CSMD1: variants seen among roughly 807,000 people sequenced by gnomAD.
CSMD1 encodes CUB and Sushi multiple domains 1.
CSMD1 carries 213 observed loss-of-function variants against 417.5 expected under a neutral mutation model. The ratio of observed to expected loss-of-function variants is 0.51; its 90% CI spans 0.46 to 0.57. The LOEUF is 0.57. CSMD1 is among the 20% of genes least tolerant of loss of function. The pLI is 0.00. For synonymous variants in CSMD1, 2,862 were observed against 1,736.8 expected, an observed-to-expected ratio of 1.65 and a Z score of -16.11; for missense variants, 6,923 against 4,529.7, an observed-to-expected ratio of 1.53 and a Z score of -15.17.
chr8:4,052,461 C>A (rs1400940168), intron 3 of CSMD1, among the ~76,000 whole-genome samples: 1 of 152,156 alleles, frequency 6.6e-6, no homozygotes, highest in African/African-American at 2.4e-5. Flanking sequence ...TTGCCCACTG[C>A]AAGATGGATA....
intron 5 of CSMD1, among the ~76,000 whole-genome samples, chr8:3,805,262 T>G (rs993018795): frequency 6.6e-6 from 1 of 152,114 alleles, no homozygotes; most frequent in Non-Finnish European, 1.5e-5. Flanking sequence ...CCATTTCTCC[T>G]AGGGCATCAG....
chr8:4,534,645 G>C (rs531904703), intron 2 of CSMD1, among the ~76,000 whole-genome samples: 3 of 152,068 alleles, frequency 2.0e-5, no homozygotes, highest in Admixed American at 2.0e-4. Flanking sequence ...ATGGCCATGT[G>C]TGCTCAGTGT....
intron 4 of CSMD1, among the ~76,000 whole-genome samples, chr8:4,008,740 A>G (rs1816327614): frequency 6.7e-6 from 1 of 150,012 alleles, no homozygotes; most frequent in Admixed American, 6.7e-5. Context: ...CCTCCTGAGT[A>G]GCTGGGAATA....
At chr8:3,327,129 A>C (rs1279111394) in intron 23 of CSMD1, among the ~76,000 whole-genome samples, 1 of 149,106 alleles carries the variant, frequency 6.7e-6, no homozygotes, top group Admixed American at 6.8e-5. Context: ...TTAACACTTG[A>C]CATCTTTACA....
intron 1 of CSMD1, among the ~76,000 whole-genome samples, chr8:4,652,898 G>A (rs890961064): frequency 7.3e-5 from 11 of 151,346 alleles, no homozygotes; most frequent in African/African-American, 7.4e-5. Flanking sequence ...ATCTAACGCC[G>A]CTGCTGATGT....
chr8:3,552,452 A>T lies in CSMD1; in HGVS notation c.1344+22493T>A, dbSNP rs146161538. Reference sequence around the variant, plus strand: ...TTTTTAAAAGGGATTGTTGTTAGGCAGTTATAAAGCTTCCTCTGACCTGTG... The same window carrying T: ...TTTTTAAAAGGGATTGTTGTTAGGCTGTTATAAAGCTTCCTCTGACCTGTG... On this transcript the variant is annotated intron_variant, in intron 10 of 69. Coordinates refer to ENST00000635120, the MANE Select transcript of CSMD1 (RefSeq NM_033225.6). Among the ~76,000 whole-genome samples, 90 of 152,344 alleles carry T rather than the reference A, an allele frequency of 5.9e-4. No individual in the cohort carries two copies. The East Asian group carries it at 0.015, about 25-fold the overall frequency.
At chr8:3,939,766 A>T (rs907284438) in intron 5 of CSMD1, among the ~76,000 whole-genome samples, 1 of 152,126 alleles carries the variant, frequency 6.6e-6, no homozygotes, top group Non-Finnish European at 1.5e-5. Context: ...GTCACTCAGA[A>T]ATGGAAAAAC....
intron 2 of CSMD1, among the ~76,000 whole-genome samples, chr8:4,443,262 CATCA>C (rs752476579): frequency 6.6e-5 from 10 of 152,238 alleles, no homozygotes; most frequent in South Asian, 4.2e-4. Context: ...AAATCATCAG[CATCA>C]ATCAATCTTC....
intron 3 of CSMD1, among the ~76,000 whole-genome samples, chr8:4,202,630 A>G (rs1000650502): frequency 3.9e-5 from 6 of 152,220 alleles, no homozygotes; most frequent in African/African-American, 1.4e-4. Context: ...TGGATATTGT[A>G]AATTTCCTCT....
intron 1 of CSMD1, among the ~76,000 whole-genome samples, chr8:4,986,498 AT>A (rs1811186240): frequency 6.6e-6 from 1 of 152,236 alleles, no homozygotes; most frequent in Non-Finnish European, 1.5e-5. Flanking sequence ...AAGGTTTTTC[AT>A]TCATCAGAGA....
chr8:4,731,505 A>T (rs573966078), intron 1 of CSMD1, among the ~76,000 whole-genome samples: 1 of 152,324 alleles, frequency 6.6e-6, no homozygotes, highest in East Asian at 1.9e-4. Context: ...CAGATATATG[A>T]TGTCATAACT....
intron 10 of CSMD1, among the ~76,000 whole-genome samples, chr8:3,551,752 C>T (rs985957930): frequency 1.1e-4 from 16 of 151,900 alleles, no homozygotes; most frequent in Non-Finnish European, 1.8e-4. Flanking sequence ...TACTAAAGTC[C>T]GTGACAAGCT....
At chr8:4,242,393 C>A (rs1802454336) in intron 3 of CSMD1, among the ~76,000 whole-genome samples, 1 of 151,896 alleles carries the variant, frequency 6.6e-6, no homozygotes, top group Admixed American at 6.5e-5. Context: ...AAAACACTTC[C>A]CCCACCCAGC....
chr8:4,437,935 G>A (rs1049811707), intron 2 of CSMD1, among the ~76,000 whole-genome samples: 1 of 152,168 alleles, frequency 6.6e-6, no homozygotes, highest in African/African-American at 2.4e-5. Context: ...CCTGCTTAAA[G>A]TAATTCTCTA....
chr8:3,213,632 G>A (rs1404711871), intron 30 of CSMD1, among the ~76,000 whole-genome samples: 7 of 151,458 alleles, frequency 4.6e-5, no homozygotes, highest in African/African-American at 1.5e-4. Flanking sequence ...ATACATATTA[G>A]TTTTTTCTCT....
At chr8:3,353,355 C>G (rs555354087) in intron 21 of CSMD1, among the ~76,000 whole-genome samples, 1 of 152,318 alleles carries the variant, frequency 6.6e-6, no homozygotes, top group South Asian at 2.1e-4. Flanking sequence ...TATCTCCATT[C>G]CTATCTGCTC....
At chr8:3,462,238 C>G (rs1173555881) in intron 12 of CSMD1, among the ~76,000 whole-genome samples, 1 of 152,086 alleles carries the variant, frequency 6.6e-6, no homozygotes, top group African/African-American at 2.4e-5. Flanking sequence ...GTCAATGGCA[C>G]CAAGCCTGGC....
intron 3 of CSMD1, among the ~76,000 whole-genome samples, chr8:4,142,661 C>G (rs1267133820): frequency 1.3e-5 from 2 of 151,074 alleles, no homozygotes; most frequent in African/African-American, 2.5e-5. Flanking sequence ...GTAACTGATT[C>G]TGGCCGTGGC....
chr8:4,906,064 G>C (rs1191490277), intron 1 of CSMD1, among the ~76,000 whole-genome samples: 1 of 152,004 alleles, frequency 6.6e-6, no homozygotes, highest in East Asian at 1.9e-4. Flanking sequence ...GAAACTTTCA[G>C]ACCCTCTCAC....
Sources: gnomAD v4.1 joint callset for allele counts (sites outside exome capture counted in the v4.1 genomes callset) on GRCh38, gnomAD v4.1.1 for gene constraint, MANE v1.5 for transcripts, NCBI Gene and HGNC (gene_info 2026-07-23, HGNC 2026-07-21) for gene names.